VWC2: variants seen among roughly 807,000 people sequenced by gnomAD.
VWC2 encodes brorin.
In VWC2, 14 loss-of-function variants were observed where a neutral mutation model predicts 29.8. The observed-to-expected ratio is 0.47, with a 90% CI of 0.31 to 0.74. VWC2 has a LOEUF of 0.74. VWC2 is among the 30% of genes least tolerant of loss of function. VWC2 has a pLI of 0.05. For missense variants in VWC2, 457 were observed against 459.8 expected (o/e 0.99, Z 0.05); for synonymous variants, 213 against 199.0 (o/e 1.07, Z -0.59).
intron 3 of VWC2, among the ~76,000 whole-genome samples, chr7:49,838,424 G>A (rs1051318876): frequency 1.3e-5 from 2 of 152,084 alleles, no homozygotes; most frequent in African/African-American, 2.4e-5. Context: ...TGTTGACAGA[G>A]TGGGGTCAGG....
intron 3 of VWC2, among the ~76,000 whole-genome samples, chr7:49,859,725 T>A (rs1790569761): frequency 6.6e-6 from 1 of 152,224 alleles, no homozygotes; most frequent in African/African-American, 2.4e-5. Flanking sequence ...AGAATGATCT[T>A]GATTATTTTC....
chr7:49,878,824 A>G (rs1345366391), intron 3 of VWC2, among the ~76,000 whole-genome samples: 1 of 152,142 alleles, frequency 6.6e-6, no homozygotes, highest in African/African-American at 2.4e-5. Context: ...GACATGTTGG[A>G]ACACAGCTAC....
chr7:49,901,028 C>T (rs1029447406), intron 3 of VWC2: 1 of 151,718 alleles, frequency 6.6e-6, no homozygotes, highest in Non-Finnish European at 1.5e-5. Context: ...AAATCTAACA[C>T]CCTTTTATGA....
In VWC2 at chr7:49,863,835, G is replaced by C. The variant is rs530061251; in HGVS notation, c.827-48199G>C. 2.6e-5 allele frequency among the ~76,000 whole-genome samples: 4 copies of C among 152,054 alleles called. No homozygotes were observed. In the East Asian group the frequency reaches 7.7e-4, roughly 29 times the overall value. On this transcript the variant is annotated intron_variant, in intron 3 of 3. Coordinates refer to ENST00000340652, the MANE Select transcript of VWC2 (RefSeq NM_198570.5). ...GCTCTCTTTTTACTCATTCTTTTAG[G>C]TGTAAAGTTAGATTATCGATTTGAG...
chr7:49,783,013 G>T (rs553144835), intron 2 of VWC2, among the ~76,000 whole-genome samples: 1 of 152,186 alleles, frequency 6.6e-6, no homozygotes, highest in Non-Finnish European at 1.5e-5. Context: ...GTGCAGCTCA[G>T]GGGGAGGTAG....
chr7:49,788,905 TGTGAGA>T (rs1788377421), intron 2 of VWC2, among the ~76,000 whole-genome samples: 1 of 137,002 alleles, frequency 7.3e-6, no homozygotes, highest in African/African-American at 2.8e-5. Context: ...TGAGTGTGGG[TGTGAGA>T]GTGTGTGTGG....
intron 3 of VWC2, among the ~76,000 whole-genome samples, chr7:49,892,707 C>A (rs1792195602): frequency 6.6e-6 from 1 of 152,196 alleles, no homozygotes. Context: ...CAGGGATCTG[C>A]CTCTCAGTTC....
At chr7:49,790,083 T>C (rs745407162) in intron 2 of VWC2, among the ~76,000 whole-genome samples, 2 of 152,266 alleles carry the variant, frequency 1.3e-5, no homozygotes, top group Non-Finnish European at 2.9e-5. Flanking sequence ...TCCTCCTAGC[T>C]GTTCTGCTGT....
intron 2 of VWC2, among the ~76,000 whole-genome samples, chr7:49,785,318 C>G (rs1202545746): frequency 2.6e-5 from 4 of 152,100 alleles, no homozygotes; most frequent in African/African-American, 9.6e-5. Context: ...AAAAGATCTA[C>G]CACACATCTG....
intron 3 of VWC2, among the ~76,000 whole-genome samples, chr7:49,805,217 G>A (rs1445657056): frequency 1.3e-5 from 2 of 152,150 alleles, no homozygotes; most frequent in Admixed American, 6.5e-5. Flanking sequence ...TGTCCTGATG[G>A]TAAACTTCTA....
intron 3 of VWC2, among the ~76,000 whole-genome samples, chr7:49,850,263 A>G (rs1790123432): frequency 6.6e-6 from 1 of 152,208 alleles, no homozygotes; most frequent in Non-Finnish European, 1.5e-5. Flanking sequence ...CACACCAGGG[A>G]CCTAGAATTA....
intron 2 of VWC2, among the ~76,000 whole-genome samples, chr7:49,793,608 AT>A (rs1222510771): frequency 2.1e-4 from 32 of 152,168 alleles, no homozygotes; most frequent in African/African-American, 7.2e-4. Flanking sequence ...TGTTTTTGAG[AT>A]TCATCTGTAT....
chr7:49,903,465 G>A (rs1245893448), intron 3 of VWC2, among the ~76,000 whole-genome samples: 1 of 152,176 alleles, frequency 6.6e-6, no homozygotes, highest in Non-Finnish European at 1.5e-5. Context: ...GCTTTATGCT[G>A]AGTTTTAAAA....
At chr7:49,864,366 AGAATCCACCTGGGAT>A (rs1260760967) in intron 3 of VWC2, among the ~76,000 whole-genome samples, 1 of 152,210 alleles carries the variant, frequency 6.6e-6, no homozygotes, top group East Asian at 1.9e-4. Flanking sequence ...CAGGAGCCTC[AGAATCCACCTGGGAT>A]GAAAGCTTAA....
intron 2 of VWC2, among the ~76,000 whole-genome samples, chr7:49,783,638 G>A (rs768800644): frequency 6.6e-5 from 10 of 152,142 alleles, no homozygotes; most frequent in Admixed American, 3.3e-4. Flanking sequence ...ACTGGGGTGC[G>A]GCCAGGACAT....
intron 3 of VWC2, among the ~76,000 whole-genome samples, chr7:49,890,311 CA>C (rs1562755297): frequency 6.6e-6 from 1 of 152,088 alleles, no homozygotes; most frequent in Non-Finnish European, 1.5e-5. Flanking sequence ...GGGACACATG[CA>C]AAATTGTATT....
At chr7:49,813,371 T>C (rs1221263804) in intron 3 of VWC2, among the ~76,000 whole-genome samples, 3 of 152,208 alleles carry the variant, frequency 2.0e-5, no homozygotes, top group Non-Finnish European at 4.4e-5. Context: ...TGGGGACCCA[T>C]CCCTAGAGTG....
At chr7:49,782,002 G>A (rs1032614904) in intron 2 of VWC2, among the ~76,000 whole-genome samples, 1 of 152,194 alleles carries the variant, frequency 6.6e-6, no homozygotes, top group African/African-American at 2.4e-5. Context: ...TGGGGCAACA[G>A]GTGGCCCAAG....
At chr7:49,867,803 A>G (rs2128722245) in intron 3 of VWC2, among the ~76,000 whole-genome samples, 1 of 151,758 alleles carries the variant, frequency 6.6e-6, no homozygotes, top group African/African-American at 2.4e-5. Flanking sequence ...TATTTAAGGA[A>G]AGTTACATTA....
Sources: allele counts gnomAD v4.1 joint callset (sites outside exome capture counted in the v4.1 genomes callset), GRCh38; gene constraint gnomAD v4.1.1; transcripts MANE v1.5; gene names NCBI Gene and HGNC (gene_info 2026-07-23, HGNC 2026-07-21).